The following EMCN variants were observed in gnomAD, a reference collection of about 807,000 sequenced individuals.
EMCN encodes the protein endomucin.
Under a neutral mutation model 38.4 loss-of-function variants are expected in EMCN, and 37 were observed. The ratio of observed to expected loss-of-function variants is 0.96; its 90% CI spans 0.74 to 1.27. EMCN has a LOEUF of 1.27. EMCN is among the 50% of genes most tolerant of loss of function. The pLI, the probability that EMCN is intolerant of heterozygous loss-of-function variation, is 0.00. For missense variants in EMCN, 318 were observed against 302.8 expected, an observed-to-expected ratio of 1.05 and a Z score of -0.37; for synonymous variants, 95 against 100.8, an observed-to-expected ratio of 0.94 and a Z score of 0.35.
intron 11 of EMCN, among the ~76,000 whole-genome samples, chr4:100,404,560 AT>A (rs1193937364): frequency 6.6e-6 from 1 of 151,490 alleles, no homozygotes; most frequent in Non-Finnish European, 1.5e-5. Flanking sequence ...AACTTGTTTC[AT>A]TTATCTGTGT....
Position 100,475,659 on chromosome 4 carries a change from C to CTGTTTT in EMCN, c.188-551_188-550insAAAACA, listed in dbSNP as rs1560631485. Reference sequence around the variant, plus strand: ...TTGAGGGCAGTATCCAATTCTAGTCCTTTTTTTTTTTTTTTTTTTTTTTTT... The same window carrying CTGTTTT: ...TTGAGGGCAGTATCCAATTCTAGTCCTGTTTTTTTTTTTTTTTTTTTTTTTTTTTTT... On this transcript the variant is annotated intron_variant, in intron 2 of 11. Transcript: ENST00000296420. Among the ~76,000 whole-genome samples, 2 of 60,314 alleles carry CTGTTTT rather than the reference C, an allele frequency of 3.3e-5. 1 individual carries two copies. The highest frequency in any genetic ancestry group is 5.6e-5 in the Non-Finnish European group (2 of 35,536). 39.6% of individuals were successfully genotyped at this position (60,314 alleles called of 152,430 possible).
At chr4:100,476,393 C>A (rs1044942569) in intron 2 of EMCN, among the ~76,000 whole-genome samples, 1 of 152,044 alleles carries the variant, frequency 6.6e-6, no homozygotes, top group African/African-American at 2.4e-5. Context: ...AAGTGATCCC[C>A]CAATTTCAAC....
intron 1 of EMCN, among the ~76,000 whole-genome samples, chr4:100,484,720 G>C (rs1728895979): frequency 6.6e-6 from 1 of 152,084 alleles, no homozygotes; most frequent in African/African-American, 2.4e-5. Context: ...AAACATTGAA[G>C]ACAGTAACTT....
intron 10 of EMCN, 42 bp from the exon 11 acceptor site, chr4:100,410,397 T>A (rs771909955): frequency 1.5e-5 from 23 of 1,561,460 alleles, no homozygotes; most frequent in Non-Finnish European, 1.9e-5. Flanking sequence ...GCTCAGAGAC[T>A]GAGTAAGGAT....
At chr4:100,479,269 C>A (rs1017231108) in intron 2 of EMCN, among the ~76,000 whole-genome samples, 1 of 136,566 alleles carries the variant, frequency 7.3e-6, no homozygotes, top group African/African-American at 2.7e-5. Flanking sequence ...ATCCACAAAT[C>A]TGTTTTCCAT....
At chr4:100,461,045 G>A (rs1481323644) in intron 4 of EMCN, among the ~76,000 whole-genome samples, 1 of 152,072 alleles carries the variant, frequency 6.6e-6, no homozygotes, top group Non-Finnish European at 1.5e-5. Flanking sequence ...GCCCTGTCTG[G>A]ACTGACCCCT....
At chr4:100,400,757 A>G (rs1479424798) in intron 11 of EMCN, among the ~76,000 whole-genome samples, 1 of 152,164 alleles carries the variant, frequency 6.6e-6, no homozygotes, top group East Asian at 1.9e-4. Context: ...TTTCTCAAAG[A>G]TCAGCAACCT....
At chr4:100,445,352 C>T (rs1161170403) in intron 5 of EMCN, among the ~76,000 whole-genome samples, 1 of 151,958 alleles carries the variant, frequency 6.6e-6, no homozygotes, top group Non-Finnish European at 1.5e-5. Flanking sequence ...TTTAATCTCC[C>T]AAAAAGGTTC....
At chr4:100,517,797 C>A in intron 1 of EMCN, 54 bp downstream of exon 1, 2 of 1,540,320 alleles carry the variant, frequency 1.3e-6, no homozygotes, top group South Asian at 2.2e-5. Context: ...GAGGCTGAGT[C>A]ACCTACTAGT....
chr4:100,497,554 T>G (rs1032998216), intron 1 of EMCN, among the ~76,000 whole-genome samples: 8 of 152,130 alleles, frequency 5.3e-5, no homozygotes, highest in African/African-American at 1.9e-4. Context: ...TTTTTTTGTA[T>G]TTTTAGTAAA....
intron 8 of EMCN, among the ~76,000 whole-genome samples, chr4:100,421,077 A>G (rs1726873672): frequency 6.6e-6 from 1 of 152,040 alleles, no homozygotes; most frequent in Non-Finnish European, 1.5e-5. Context: ...ATTTGATAAT[A>G]TCTACTCATA....
chr4:100,458,390 T>C (rs1476962560), intron 4 of EMCN, among the ~76,000 whole-genome samples: 3 of 152,062 alleles, frequency 2.0e-5, no homozygotes, highest in Admixed American at 2.0e-4. Flanking sequence ...GCCTCCATTA[T>C]ACAAAAAAAT....
chr4:100,471,201 A>C (rs1728468329), intron 3 of EMCN, among the ~76,000 whole-genome samples: 1 of 152,062 alleles, frequency 6.6e-6, no homozygotes, highest in Admixed American at 6.5e-5. Flanking sequence ...ACTTTTGGCT[A>C]TGCTGATAAA....
intron 1 of EMCN, among the ~76,000 whole-genome samples, chr4:100,502,384 C>T (rs1248357874): frequency 6.6e-6 from 1 of 152,040 alleles, no homozygotes; most frequent in East Asian, 1.9e-4. Flanking sequence ...CATATCTATG[C>T]TTGTGGCTTG....
chr4:100,412,256 G>A (rs940569970), intron 10 of EMCN, among the ~76,000 whole-genome samples: 7 of 152,210 alleles, frequency 4.6e-5, no homozygotes, highest in African/African-American at 1.7e-4. Context: ...AGCTAGAGAA[G>A]GCAGGCACAT....
rs1341201588 is a variant in EMCN, at chr4:100,397,001, T to C, written c.*1412A>G. 2.0e-5 allele frequency: 3 copies of C among 151,852 alleles called. No homozygotes were observed. The highest frequency in any genetic ancestry group is 4.4e-5 in the Non-Finnish European group (3 of 67,990). 9.4% of individuals were successfully genotyped at this position (151,852 alleles called of 1,614,324 possible). A position where few individuals can be genotyped will look rare whatever the true frequency, so the allele number is the denominator to read the frequency against. On this transcript the variant is annotated 3_prime_UTR_variant, in exon 12 of 12. Transcript: ENST00000296420. ...GAGACACCAGTCAGAAATATAGATA[T>C]GCTTATGCTTGCTTGGTGTCCTTGA...
At chr4:100,503,673 G>A (rs1729407143) in intron 1 of EMCN, among the ~76,000 whole-genome samples, 1 of 151,952 alleles carries the variant, frequency 6.6e-6, no homozygotes, top group Non-Finnish European at 1.5e-5. Context: ...TGACCTCCTG[G>A]GCTCAAGCAA....
At chr4:100,507,651 C>T (rs1365838313) in intron 1 of EMCN, among the ~76,000 whole-genome samples, 1 of 152,146 alleles carries the variant, frequency 6.6e-6, no homozygotes, top group Non-Finnish European at 1.5e-5. Context: ...TGAGTTTCCC[C>T]ATCTCCTCTT....
chr4:100,415,916 T>G lies in EMCN; in HGVS notation c.733A>C (p.Thr245Pro). Residue 245 changes from threonine to proline, a missense_variant, in exon 10 of 12, where the codon ACA becomes CCA. Thr to Pro is a conservative substitution (Grantham distance 38, BLOSUM62 -1). Coordinates refer to ENST00000296420, the MANE Select transcript of EMCN (RefSeq NM_016242.4). Reference protein sequence around the residue: ...KESVKLLTVKTISHESGEHSA... With the variant: ...KESVKLLTVKPISHESGEHSA... ...AACTTACCAGACTCATGAGAAATTG[T>G]CTTAACGGTAAGAAGCTTCACGCTC... is the stretch of plus-strand genomic sequence containing the variant. 1.3e-6 allele frequency: 2 copies of G among 1,588,946 alleles called. No homozygotes were observed. Among genetic ancestry groups the G allele is most frequent in the Non-Finnish European group, 8.5e-7 (1 of 1,170,674 alleles).
Sources: allele counts gnomAD v4.1 joint callset (sites outside exome capture counted in the v4.1 genomes callset), GRCh38; gene constraint gnomAD v4.1.1; transcripts MANE v1.5; gene names NCBI Gene and HGNC (gene_info 2026-07-23, HGNC 2026-07-21).